The following TP53INP2 variants were observed in gnomAD, a reference collection of about 807,000 sequenced individuals.
The protein encoded by TP53INP2 is tumor protein p53 inducible nuclear protein 2, also known as tumor protein p53-inducible nuclear protein 2.
Under a neutral mutation model 17.1 loss-of-function variants are expected in TP53INP2, and 12 were observed. The ratio of observed to expected loss-of-function variants is 0.70; its 90% CI spans 0.45 to 1.14. The LOEUF (loss-of-function observed/expected upper bound fraction) is 1.14, where lower values mean the gene tolerates loss of function less well. Among genes scored for constraint, TP53INP2 ranks in the 50% most tolerant of loss-of-function variants. The pLI is 0.00. For missense variants in TP53INP2, 342 were observed against 330.9 expected, an observed-to-expected ratio of 1.03 and a Z score of -0.26; for synonymous variants, 145 against 147.3, an observed-to-expected ratio of 0.98 and a Z score of 0.12.
At chr20:34,705,980 T>C (rs1179557256) in intron 2 of TP53INP2, among the ~76,000 whole-genome samples, 1 of 152,296 alleles carries the variant, frequency 6.6e-6, no homozygotes, top group East Asian at 1.9e-4. Context: ...TGGCTGTCAC[T>C]GACTTGCTGT....
chr20:34,704,733 T>C (rs1250279434), intron 1 of TP53INP2: 2 of 152,386 alleles, frequency 1.3e-5, no homozygotes, highest in East Asian at 1.9e-4. Context: ...TCGGGTCGCT[T>C]GTCCTCCCGT....
At position 34,709,287 on chromosome 20, in the gene TP53INP2, G is replaced by T. The variant is rs774184543; in HGVS notation, c.176G>T (p.Arg59Leu). The T allele has an allele frequency of 1.2e-6, 2 of 1,607,018 alleles. No individual in the cohort carries two copies. The highest frequency in any genetic ancestry group is 1.7e-5 in the Admixed American group (1 of 59,300). ...SPGAAPAPAG[R>L]PPPAPSLMDE... ...GGGGCCGCCCCTGCCCCCGCGGGCC[G>T]CCCTCCGCCCGCGCCCTCCTTGATG... The change falls in exon 4 of 5, where the codon CGC becomes CTC. Residue 59 changes from arginine to leucine, a missense_variant. Coordinates refer to ENST00000374810, the MANE Select transcript of TP53INP2 (RefSeq NM_021202.3). This position sits in a 1 kb window ranked among gnomAD's most constrained non-coding sequence, Gnocchi z 5.4.
chr20:34,712,657 T>G lies in TP53INP2; in HGVS notation c.*2350T>G, dbSNP rs1988234576. On this transcript the variant is annotated 3_prime_UTR_variant, in exon 5 of 5. Coordinates refer to ENST00000374810, the MANE Select transcript of TP53INP2 (RefSeq NM_021202.3). ...TTTCACCTTGAGCATGCTTCAGGATTTTTTTTTAAACCACAGAACTTGAAT... is the reference window on the plus strand; with the variant it reads ...TTTCACCTTGAGCATGCTTCAGGATGTTTTTTTAAACCACAGAACTTGAAT... 1 of 152,424 alleles carries G rather than the reference T, an allele frequency of 6.6e-6. No homozygotes were observed. The highest frequency in any genetic ancestry group is 2.4e-5 in the African/African-American group (1 of 41,366). The allele number at this position is 152,424 out of a possible 1,614,324, so 9.4% of individuals were successfully genotyped here.
At position 34,712,626 on chromosome 20, in the gene TP53INP2, C is replaced by T. The variant is rs888559379; in HGVS notation, c.*2319C>T. On this transcript the variant is annotated 3_prime_UTR_variant, in exon 5 of 5. Transcript: ENST00000374810. ...CTTGTCATACTGTATTGACTGTGTA[C>T]GTGCCTTTCACCTTGAGCATGCTTC... 6.6e-6 allele frequency: 1 copy of T among 152,596 alleles called. No homozygotes were observed. Among genetic ancestry groups the T allele is most frequent in the Non-Finnish European group, 1.5e-5 (1 of 68,052 alleles). 9.5% of individuals were successfully genotyped at this position (152,596 alleles called of 1,614,324 possible). A position where few individuals can be genotyped will look rare whatever the true frequency, so the allele number is the denominator to read the frequency against.
rs1259947289 is a variant in TP53INP2, at chr20:34,712,562, A to C, written c.*2255A>C. 1 of 152,524 alleles carries C rather than the reference A, an allele frequency of 6.6e-6. No homozygotes were observed. The highest frequency in any genetic ancestry group is 2.4e-5 in the African/African-American group (1 of 41,396). The allele number at this position is 152,524 out of a possible 1,614,324, so 9.4% of individuals were successfully genotyped here. A position where few individuals can be genotyped will look rare whatever the true frequency, so the allele number is the denominator to read the frequency against. On this transcript the variant is annotated 3_prime_UTR_variant, in exon 5 of 5. Transcript: ENST00000374810. The stretch of plus-strand genomic sequence containing the variant: ...GTATAGATTTCTAAGAACCAACACT[A>C]CTCAGTCTCCTGCTAGTCTGACTCC...
In TP53INP2 at chr20:34,712,290, C is replaced by T. The variant is rs973608166; in HGVS notation, c.*1983C>T. 1 of 152,730 alleles carries T rather than the reference C, an allele frequency of 6.5e-6. No homozygotes were observed. The highest frequency in any genetic ancestry group is 1.5e-5 in the Non-Finnish European group (1 of 68,128). 9.5% of individuals were successfully genotyped at this position (152,730 alleles called of 1,614,324 possible). A position where few individuals can be genotyped will look rare whatever the true frequency, so the allele number is the denominator to read the frequency against. ...TGAATCTCCCTCCAACCCTTCTTGCCTACTCCTCACTGCCAGCTGGGACCT... is the reference window on the plus strand; with the variant it reads ...TGAATCTCCCTCCAACCCTTCTTGCTTACTCCTCACTGCCAGCTGGGACCT... On this transcript the variant is annotated 3_prime_UTR_variant, in exon 5 of 5. Coordinates refer to ENST00000374810, the MANE Select transcript of TP53INP2 (RefSeq NM_021202.3).
Position 34,708,810 on chromosome 20 carries a change from C to T in TP53INP2, c.71C>T (p.Ala24Val), listed in dbSNP as rs1461292911. ...SPPEDPDCPR[A>V]FVSEEDEVDG... ...CCCGAAGACCCCGACTGCCCCCGCGCCTTCGTGTCGGAGGAGGATGAAGTG... is the reference window on the plus strand; with the variant it reads ...CCCGAAGACCCCGACTGCCCCCGCGTCTTCGTGTCGGAGGAGGATGAAGTG... Residue 24 changes from alanine to valine, a missense_variant, in exon 3 of 5, where the codon GCC (alanine) becomes GTC (valine). Physicochemically the swap from Ala to Val is moderately conservative, Grantham distance 64. Transcript: ENST00000374810. The T allele has an allele frequency of 1.9e-6, 3 of 1,613,200 alleles. No individual in the cohort carries two copies. The highest frequency in any genetic ancestry group is 2.5e-6 in the Non-Finnish European group (3 of 1,179,656).
Position 34,710,534 on chromosome 20 carries a change from A to C in TP53INP2, c.*227A>C. 7.6e-6 allele frequency: 3 copies of C among 396,370 alleles called. No homozygotes were observed. Among genetic ancestry groups the C allele is most frequent in the Non-Finnish European group, 1.3e-5 (3 of 232,438 alleles). 24.6% of individuals were successfully genotyped at this position (396,370 alleles called of 1,614,324 possible). A position where few individuals can be genotyped will look rare whatever the true frequency, so the allele number is the denominator to read the frequency against. On this transcript the variant is annotated 3_prime_UTR_variant, in exon 5 of 5. Coordinates refer to ENST00000374810, the MANE Select transcript of TP53INP2 (RefSeq NM_021202.3). The surrounding 1 kb of genome is among the most constrained non-coding windows in gnomAD (Gnocchi z 4.9). ...TGGTCCCCATACCCAGCATCTAATCATCCATGCCCCCTACTCCTGGCCCCT... is the reference window on the plus strand; with the variant it reads ...TGGTCCCCATACCCAGCATCTAATCCTCCATGCCCCCTACTCCTGGCCCCT...
chr20:34,712,280 C>T lies in TP53INP2; in HGVS notation c.*1973C>T, dbSNP rs1483966381. On this transcript the variant is annotated 3_prime_UTR_variant, in exon 5 of 5. Coordinates refer to ENST00000374810, the MANE Select transcript of TP53INP2 (RefSeq NM_021202.3). ...CTCCAAGAGCTGAATCTCCCTCCAA[C>T]CCTTCTTGCCTACTCCTCACTGCCA... 1 of 152,736 alleles carries T rather than the reference C, an allele frequency of 6.5e-6. No individual in the cohort carries two copies. Among genetic ancestry groups the T allele is most frequent in the Admixed American group, 6.5e-5 (1 of 15,278 alleles). The allele number at this position is 152,736 out of a possible 1,614,324, so 9.5% of individuals were successfully genotyped here. A position where few individuals can be genotyped will look rare whatever the true frequency, so the allele number is the denominator to read the frequency against.
In TP53INP2 at chr20:34,710,849, T is replaced by A. The variant is rs1988171043; in HGVS notation, c.*542T>A. 6.6e-6 allele frequency: 1 copy of A among 152,484 alleles called. No homozygotes were observed. The allele number at this position is 152,484 out of a possible 1,614,324, so 9.4% of individuals were successfully genotyped here. ...GCAGCCTGGGCTGCTGTCATTGCCC[T>A]CCAGTAAGGGCTCAGGGTTTTGCTT... On this transcript the variant is annotated 3_prime_UTR_variant, in exon 5 of 5. Transcript: ENST00000374810. The surrounding 1 kb of genome is among the most constrained non-coding windows in gnomAD (Gnocchi z 4.9).
At position 34,712,475 on chromosome 20, in the gene TP53INP2, A is replaced by G. The variant is rs570698977; in HGVS notation, c.*2168A>G. 1.3e-5 allele frequency: 2 copies of G among 152,704 alleles called. No homozygotes were observed. Among genetic ancestry groups the G allele is most frequent in the South Asian group, 2.1e-4 (1 of 4,826 alleles). The allele number at this position is 152,704 out of a possible 1,614,324, so 9.5% of individuals were successfully genotyped here. A position where few individuals can be genotyped will look rare whatever the true frequency, so the allele number is the denominator to read the frequency against. ...TCTCACCTGCTTGGTTGCAAGGCTC[A>G]TATTTTTTTGTACCTTTCCTATAGA... On this transcript the variant is annotated 3_prime_UTR_variant, in exon 5 of 5. Transcript: ENST00000374810.
At position 34,713,393 on chromosome 20, in the gene TP53INP2, A is replaced by AAATT. The variant is rs1177181983; in HGVS notation, c.*3090_*3093dup. ...AATGCTATTCCTCTATGGGAGAAAA[A>AAATT]AATTAATATAAAGAAAAACAAATAA... On this transcript the variant is annotated 3_prime_UTR_variant, in exon 5 of 5. Coordinates refer to ENST00000374810, the MANE Select transcript of TP53INP2 (RefSeq NM_021202.3). 1 of 152,650 alleles carries AAATT rather than the reference A, an allele frequency of 6.6e-6. No homozygotes were observed. Among genetic ancestry groups the AAATT allele is most frequent in the South Asian group, 2.1e-4 (1 of 4,838 alleles). The allele number at this position is 152,650 out of a possible 1,614,324, so 9.5% of individuals were successfully genotyped here.
chr20:34,712,917 A>G lies in TP53INP2; in HGVS notation c.*2610A>G, dbSNP rs1988243293. The G allele has an allele frequency of 1.3e-5, 2 of 152,628 alleles. No homozygotes were observed. Among genetic ancestry groups the G allele is most frequent in the South Asian group, 4.1e-4 (2 of 4,828 alleles). The allele number at this position is 152,628 out of a possible 1,614,324, so 9.5% of individuals were successfully genotyped here. ...CCAGTAAGTCTGAGTGGTTCCTTCA[A>G]GCTGGGTGTCTTTCCAGCCTTTGCC... is the stretch of plus-strand genomic sequence containing the variant. On this transcript the variant is annotated 3_prime_UTR_variant, in exon 5 of 5. Transcript: ENST00000374810.
chr20:34,709,174 TG>T lies in TP53INP2; in HGVS notation c.125-61del. On this transcript the variant is annotated intron_variant, in intron 3 of 4. Transcript: ENST00000374810. The surrounding 1 kb of genome is among the most constrained non-coding windows in gnomAD (Gnocchi z 5.4). ...CCCCCTTGTCCGGTGTGTGTGTGTG[TG>T]TGTGTGTGTGCCTCCTCGCTGCTCC... 6.7e-7 allele frequency: 1 copy of T among 1,490,548 alleles called. No homozygotes were observed. The highest frequency in any genetic ancestry group is 8.9e-7 in the Non-Finnish European group (1 of 1,120,052). 92.3% of individuals were successfully genotyped at this position (1,490,548 alleles called of 1,614,324 possible). A position where few individuals can be genotyped will look rare whatever the true frequency, so the allele number is the denominator to read the frequency against.
rs1988200045 is a variant in TP53INP2, at chr20:34,711,624, A to G, written c.*1317A>G. The G allele has an allele frequency of 6.6e-6, 1 of 152,314 alleles. No homozygotes were observed. Among genetic ancestry groups the G allele is most frequent in the African/African-American group, 2.4e-5 (1 of 41,436 alleles). The allele number at this position is 152,314 out of a possible 1,614,324, so 9.4% of individuals were successfully genotyped here. A position where few individuals can be genotyped will look rare whatever the true frequency, so the allele number is the denominator to read the frequency against. On this transcript the variant is annotated 3_prime_UTR_variant, in exon 5 of 5. Transcript: ENST00000374810. The surrounding 1 kb of genome is among the most constrained non-coding windows in gnomAD (Gnocchi z 4.1). ...GTTGCTGGGGAGAAATGGGTACCCT[A>G]TGATCCCCCTCCCCTTCTCCTCCAG...
intron 2 of TP53INP2, among the ~76,000 whole-genome samples, chr20:34,706,097 T>C (rs1048671962): frequency 6.6e-6 from 1 of 152,170 alleles, no homozygotes; most frequent in Admixed American, 6.5e-5. Flanking sequence ...CTTCAGTAAA[T>C]GCATGCTAAA....
chr20:34,708,134 C>T (rs1988042604), intron 2 of TP53INP2, among the ~76,000 whole-genome samples: 1 of 152,216 alleles, frequency 6.6e-6, no homozygotes, highest in Non-Finnish European at 1.5e-5. Flanking sequence ...CTATTTACTC[C>T]TCAGAGTGCA....
chr20:34,709,296 C>A lies in TP53INP2; in HGVS notation c.185C>A (p.Pro62His). ...CCTGCCCCCGCGGGCCGCCCTCCGC[C>A]CGCGCCCTCCTTGATGGACGAGAGC... ...AAPAPAGRPP[P>H]APSLMDESWF... The change falls in exon 4 of 5, where the codon CCC (proline) becomes CAC (histidine). Residue 62 changes from proline to histidine, a missense_variant. By Grantham distance (77) the Pro-to-His change is moderately conservative. Transcript: ENST00000374810. This position sits in a 1 kb window ranked among gnomAD's most constrained non-coding sequence, Gnocchi z 5.4. 6.2e-7 allele frequency: 1 copy of A among 1,610,654 alleles called. No homozygotes were observed. The highest frequency in any genetic ancestry group is 8.5e-7 in the Non-Finnish European group (1 of 1,178,552).
rs1433258955 is a variant in TP53INP2, at chr20:34,711,790, ATTTCCTCTTTC to A, written c.*1485_*1495del. On this transcript the variant is annotated 3_prime_UTR_variant, in exon 5 of 5. Coordinates refer to ENST00000374810, the MANE Select transcript of TP53INP2 (RefSeq NM_021202.3). The surrounding 1 kb of genome is among the most constrained non-coding windows in gnomAD (Gnocchi z 4.1). ...CTTGGGATGCCCTGAGTTGCTTCCC[ATTTCCTCTTTC>A]TAGCCGTCCTTTTCTAGTGTGTGCT... The A allele has an allele frequency of 2.6e-5, 4 of 152,548 alleles. No individual in the cohort carries two copies. The highest frequency in any genetic ancestry group is 5.9e-5 in the Non-Finnish European group (4 of 68,042). The allele number at this position is 152,548 out of a possible 1,614,324, so 9.4% of individuals were successfully genotyped here.
Sources: allele counts gnomAD v4.1 joint callset (sites outside exome capture counted in the v4.1 genomes callset), GRCh38; gene constraint gnomAD v4.1.1; non-coding constraint Gnocchi (gnomAD v3.1); transcripts MANE v1.5; gene names NCBI Gene and HGNC (gene_info 2026-07-23, HGNC 2026-07-21).